TIAM1: variants seen among roughly 807,000 people sequenced by gnomAD.
The protein encoded by TIAM1 is TIAM Rac1 associated GEF 1, also known as rho guanine nucleotide exchange factor TIAM1.
Under a neutral mutation model 163.5 loss-of-function variants are expected in TIAM1, and 65 were observed. That is an observed-to-expected ratio of 0.40 (90% CI 0.33 to 0.49). The LOEUF (loss-of-function observed/expected upper bound fraction) is 0.49, where lower values mean the gene tolerates loss of function less well. Ranked by LOEUF, TIAM1 falls within the 20% of genes least tolerant of loss-of-function variation. The probability of loss-of-function intolerance (pLI) is 0.77; values close to 1 mark genes in which losing one functional copy is unlikely to be tolerated. For synonymous variants in TIAM1, 833 were observed against 810.1 expected (o/e 1.03, Z -0.48); for missense variants, 1,789 against 2,044.7 (o/e 0.87, Z 2.41).
At chr21:31,182,784 G>A in intron 14 of TIAM1, 139 bp from the exon 15 acceptor site, 3 of 824,092 alleles carry the variant, frequency 3.6e-6, no homozygotes, top group Non-Finnish European at 5.4e-6. Flanking sequence ...CGGTGCTCGG[G>A]AGTGATCCTC....
At chr21:31,416,471 C>CT (rs2043376423) in intron 2 of TIAM1, among the ~76,000 whole-genome samples, 2 of 152,112 alleles carry the variant, frequency 1.3e-5, no homozygotes, top group Admixed American at 6.5e-5. Flanking sequence ...CCCTTACCCC[C>CT]TTCCCAACCT....
intron 25 of TIAM1, 148 bp from the exon 26 acceptor site, chr21:31,127,300 TAA>T: frequency 1.4e-6 from 1 of 717,562 alleles, no homozygotes; most frequent in South Asian, 1.9e-5. Flanking sequence ...TTTCACAATC[TAA>T]AGAGATGAAG....
rs117153684 is a variant in TIAM1 at position 31,294,695 on chromosome 21, A to C, written c.-188-17787T>G. Among the ~76,000 whole-genome samples, 304 of 152,364 alleles carry C rather than the reference A, an allele frequency of 2.0e-3. 8 individuals carry two copies. The East Asian group carries it at 0.054, about 27-fold the overall frequency. ...CATTAATGTAGAGATTTATTTTTCC[A>C]GTAGTGATTTTCCATTCAAAATAGC... On this transcript the variant is annotated intron_variant, in intron 2 of 27. Transcript: ENST00000541036.
chr21:31,213,681 T>C (rs1428352346), intron 9 of TIAM1, among the ~76,000 whole-genome samples: 1 of 147,932 alleles, frequency 6.8e-6, no homozygotes, highest in Non-Finnish European at 1.5e-5. Flanking sequence ...CCCTACGTGT[T>C]TGACAGTTGG....
intron 15 of TIAM1, among the ~76,000 whole-genome samples, chr21:31,182,212 C>G (rs2085064594): frequency 6.6e-6 from 1 of 152,146 alleles, no homozygotes; most frequent in Admixed American, 6.5e-5. Context: ...GGATCTGTAG[C>G]AAAACAGCTC....
At chr21:31,250,151 G>GT (rs1452662390) in intron 5 of TIAM1, among the ~76,000 whole-genome samples, 1 of 58,866 alleles carries the variant, frequency 1.7e-5, no homozygotes, top group African/African-American at 5.6e-5. Flanking sequence ...GTCTCAAACA[G>GT]AAAAAAAAAA....
chr21:31,405,473 A>G (rs748386680), intron 2 of TIAM1, among the ~76,000 whole-genome samples: 19 of 152,036 alleles, frequency 1.2e-4, no homozygotes, highest in Non-Finnish European at 2.5e-4. Context: ...CTTCCCCTGT[A>G]TTAGTCCACT....
chr21:31,294,484 T>C (rs922896164), intron 2 of TIAM1, among the ~76,000 whole-genome samples: 1 of 152,198 alleles, frequency 6.6e-6, no homozygotes, highest in African/African-American at 2.4e-5. Flanking sequence ...GGGTAAGCAA[T>C]TGGTATTCCA....
intron 2 of TIAM1, among the ~76,000 whole-genome samples, chr21:31,295,095 A>G (rs1367717127): frequency 4.6e-5 from 7 of 152,156 alleles, no homozygotes; most frequent in African/African-American, 1.2e-4. Flanking sequence ...CTGTCACCAT[A>G]TGCTTAGCAC....
At chr21:31,143,251 C>G (rs1050574905) in intron 20 of TIAM1, among the ~76,000 whole-genome samples, 3 of 152,102 alleles carry the variant, frequency 2.0e-5, no homozygotes, top group Non-Finnish European at 4.4e-5. Flanking sequence ...TCACATTCAT[C>G]TGGATGACTT....
intron 4 of TIAM1, among the ~76,000 whole-genome samples, chr21:31,255,512 T>G (rs2072049116): frequency 6.6e-6 from 1 of 152,140 alleles, no homozygotes; most frequent in African/African-American, 2.4e-5. Context: ...GGGCTCCTGC[T>G]ACTACCCACC....
chr21:31,500,745 C>A (rs748772766), intron 1 of TIAM1, among the ~76,000 whole-genome samples: 14 of 152,134 alleles, frequency 9.2e-5, no homozygotes, highest in Non-Finnish European at 2.1e-4. Flanking sequence ...AGAGAAACCA[C>A]CAGAAACTAG....
At chr21:31,327,257 T>C (rs1431934363) in intron 2 of TIAM1, among the ~76,000 whole-genome samples, 3 of 152,152 alleles carry the variant, frequency 2.0e-5, no homozygotes, top group Admixed American at 2.0e-4. Context: ...TCTTCAAGCA[T>C]TTTTTAGCCA....
intron 1 of TIAM1, among the ~76,000 whole-genome samples, chr21:31,509,640 G>T (rs527584419): frequency 2.6e-5 from 4 of 152,372 alleles, no homozygotes; most frequent in Admixed American, 6.5e-5. Context: ...GACCCACAGA[G>T]AGGAGAGAGA....
chr21:31,543,317 G>A (rs1200115603), intron 1 of TIAM1, among the ~76,000 whole-genome samples: 1 of 152,202 alleles, frequency 6.6e-6, no homozygotes, highest in African/African-American at 2.4e-5. Flanking sequence ...TCGCGCTCTT[G>A]GCAATGACCT....
intron 1 of TIAM1, among the ~76,000 whole-genome samples, chr21:31,548,672 A>C (rs1707398358): frequency 6.9e-6 from 1 of 144,926 alleles, no homozygotes. Flanking sequence ...ATTTTTTTCT[A>C]GAGATGGGTC....
chr21:31,442,690 C>T (rs527401106), intron 2 of TIAM1, among the ~76,000 whole-genome samples: 12 of 152,246 alleles, frequency 7.9e-5, no homozygotes, highest in East Asian at 1.9e-4. Flanking sequence ...GGATTCTTTG[C>T]GAAGACTGGA....
chr21:31,496,386 A>AGGCTGAGGTGGGAGAATCAC lies in TIAM1; in HGVS notation c.-421-32352_-421-32351insGTGATTCTCCCACCTCAGCC, dbSNP rs56155285. 2.0e-3 allele frequency among the ~76,000 whole-genome samples: 297 copies of AGGCTGAGGTGGGAGAATCAC among 150,260 alleles called. 5 individuals carry two copies. Among genetic ancestry groups the AGGCTGAGGTGGGAGAATCAC allele is most frequent in the East Asian group, 0.01 (51 of 5,022 alleles). On this transcript the variant is annotated intron_variant, in intron 1 of 28. Transcript: ENST00000286827. ...GCACCAGTAGTCCCAGTTACTTGGG[A>AGGCTGAGGTGGGAGAATCAC]CTGAATCCAGGAGACGAAGTTTGCA...
chr21:31,474,829 C>T (rs531169720), intron 1 of TIAM1, among the ~76,000 whole-genome samples: 2 of 151,508 alleles, frequency 1.3e-5, no homozygotes, highest in African/African-American at 2.4e-5. Context: ...TACAGGCCAC[C>T]GCTCCCAGCC....
Sources: allele counts gnomAD v4.1 joint callset (sites outside exome capture counted in the v4.1 genomes callset), GRCh38; gene constraint gnomAD v4.1.1; transcripts MANE v1.5; gene names NCBI Gene and HGNC (gene_info 2026-07-23, HGNC 2026-07-21).